The following SETD7 variants were observed in gnomAD, a reference collection of about 807,000 sequenced individuals.
The protein encoded by SETD7 is histone-lysine N-methyltransferase SETD7.
Under a neutral mutation model 41.8 loss-of-function variants are expected in SETD7, and 16 were observed. That is an observed-to-expected ratio of 0.38 (90% confidence interval 0.26 to 0.58). The LOEUF is 0.58. SETD7 is among the 20% of genes least tolerant of loss of function. The pLI, the probability that SETD7 is intolerant of heterozygous loss-of-function variation, is 0.64. For missense variants in SETD7, 346 were observed against 459.7 expected (o/e 0.75, Z 2.26); for synonymous variants, 163 against 169.7 (o/e 0.96, Z 0.31).
chr4:139,532,215 G>T (rs56183115), intron 3 of SETD7, among the ~76,000 whole-genome samples: 24,379 of 152,262 alleles, frequency 0.16, 2,096 homozygotes, highest in Middle Eastern at 0.22. Context: ...GCCAAGGCAG[G>T]TGGATTGCTT....
chr4:139,542,235 G>A (rs1343011301), intron 2 of SETD7, among the ~76,000 whole-genome samples: 1 of 152,162 alleles, frequency 6.6e-6, no homozygotes, highest in Non-Finnish European at 1.5e-5. Context: ...AACAGAGGCT[G>A]GGGAGTAGAA....
In SETD7 at chr4:139,556,184, G is replaced by T; in HGVS notation, c.-47C>A. 1.9e-6 allele frequency: 3 copies of T among 1,561,838 alleles called. No homozygotes were observed. The highest frequency in any genetic ancestry group is 2.6e-6 in the Non-Finnish European group (3 of 1,153,728). ...GCTCGGGGCTGCGCGGCTGCCTCCC[G>T]TCCCTCTGGGTGCTCCCGGCGGCTG... On this transcript the variant is annotated 5_prime_UTR_variant, in exon 1 of 8. Coordinates refer to ENST00000274031, the MANE Select transcript of SETD7 (RefSeq NM_030648.4).
At chr4:139,501,036 C>T (rs1329939965) in intron 7 of SETD7, among the ~76,000 whole-genome samples, 1 of 152,184 alleles carries the variant, frequency 6.6e-6, no homozygotes, top group South Asian at 2.1e-4. Flanking sequence ...TGAGGTCTTC[C>T]CTGACTTTCC....
At chr4:139,531,250 C>T (rs1037663228) in intron 3 of SETD7, among the ~76,000 whole-genome samples, 3 of 152,188 alleles carry the variant, frequency 2.0e-5, no homozygotes, top group Non-Finnish European at 2.9e-5. Flanking sequence ...CCATGTTGAG[C>T]GACGCCAATC....
chr4:139,547,673 T>C (rs1158783976), intron 1 of SETD7, among the ~76,000 whole-genome samples: 2 of 152,220 alleles, frequency 1.3e-5, no homozygotes, highest in Admixed American at 6.5e-5. Flanking sequence ...TTTATATAGC[T>C]CATTGTACAA....
In SETD7 at chr4:139,533,213, C is replaced by G. The variant is rs1727537018; in HGVS notation, c.324G>C (p.Gly108=). 4 of 1,614,180 alleles carry G rather than the reference C, an allele frequency of 2.5e-6. No individual in the cohort carries two copies. The East Asian group carries it at 8.9e-5, about 36-fold the overall frequency. Residue 108 remains glycine, a synonymous_variant, in exon 3 of 8, where the codon GGG becomes GGC. Transcript: ENST00000274031. ...CATGACGAATGTTATCTTTATACTGCCCCTTGAAGATCAGTCTCCCATCTG... is the reference window on the plus strand; with the variant it reads ...CATGACGAATGTTATCTTTATACTGGCCCTTGAAGATCAGTCTCCCATCTG... ...YDTDGRLIFK[G]QYKDNIRHGV...
intron 2 of SETD7, among the ~76,000 whole-genome samples, chr4:139,536,454 G>A (rs1225988938): frequency 6.6e-6 from 1 of 152,202 alleles, no homozygotes; most frequent in Non-Finnish European, 1.5e-5. Flanking sequence ...GCTCATGACT[G>A]TAATCCCAGC....
chr4:139,515,563 G>C (rs1044816943), intron 7 of SETD7, among the ~76,000 whole-genome samples: 1 of 152,212 alleles, frequency 6.6e-6, no homozygotes, highest in African/African-American at 2.4e-5. Context: ...TGTGCAGCTT[G>C]GAATGACACT....
intron 2 of SETD7, 184 bp downstream of exon 2, chr4:139,546,736 C>T (rs1042511820): frequency 7.5e-5 from 55 of 729,014 alleles, no homozygotes; most frequent in Middle Eastern, 5.8e-4. Context: ...AAGCCTTAGG[C>T]TGGCTGTCCC....
intron 1 of SETD7, 69 bp downstream of exon 1, chr4:139,556,029 A>T: frequency 1.4e-6 from 2 of 1,468,512 alleles, no homozygotes; most frequent in South Asian, 1.3e-5. Flanking sequence ...CGCTGTTCGC[A>T]GCCCGCCACT....
chr4:139,509,752 C>T lies in SETD7; in HGVS notation c.*1911G>A, dbSNP rs1726818327. 1.0e-6 allele frequency: 1 copy of T among 985,356 alleles called. No homozygotes were observed. Among genetic ancestry groups the T allele is most frequent in the Non-Finnish European group, 1.2e-6 (1 of 829,948 alleles). The allele number at this position is 985,356 out of a possible 1,614,324, so 61.0% of individuals were successfully genotyped here. On this transcript the variant is annotated 3_prime_UTR_variant, in exon 8 of 8. Transcript: ENST00000274031. ...TCCGTCACAGTGTATAGAACGGTCT[C>T]TTTCTACAGAGTAAGAGTGACCCTA...
chr4:139,545,767 C>T (rs568441047), intron 2 of SETD7, among the ~76,000 whole-genome samples: 25 of 152,264 alleles, frequency 1.6e-4, no homozygotes, highest in African/African-American at 5.5e-4. Flanking sequence ...CAGTTGTCAG[C>T]TTAGACATTT....
intron 4 of SETD7, among the ~76,000 whole-genome samples, chr4:139,527,950 C>T (rs1361079234): frequency 1.3e-5 from 2 of 152,170 alleles, no homozygotes; most frequent in Non-Finnish European, 2.9e-5. Context: ...GACAAGCTTC[C>T]TTTGGAGATT....
At position 139,529,036 on chromosome 4, in the gene SETD7, G is replaced by A; in HGVS notation, c.557C>T (p.Pro186Leu). The change falls in exon 4 of 8, where the codon CCT (proline) becomes CTT (leucine). Residue 186 changes from proline (P) to leucine (L), a missense_variant. Pro to Leu is a moderately conservative substitution (Grantham distance 98, BLOSUM62 -3). Transcript: ENST00000274031. Reference protein sequence around the residue: ...EEGRPHFELMPGNSVYHFDKS... With the variant: ...EEGRPHFELMLGNSVYHFDKS... ...CTGAAGCAGATTCAACTTACTTCCA[G>A]GCATCAGTTCAAAGTGAGGCCTCCC... 1 of 1,613,376 alleles carries A rather than the reference G, an allele frequency of 6.2e-7. No individual in the cohort carries two copies. The highest frequency in any genetic ancestry group is 8.5e-7 in the Non-Finnish European group (1 of 1,179,744).
intron 4 of SETD7, 89 bp from the exon 5 acceptor site, chr4:139,523,524 T>C: frequency 1.1e-6 from 1 of 871,676 alleles, no homozygotes; most frequent in Non-Finnish European, 1.8e-6. Context: ...CAACGAAGAG[T>C]TAAAAAACCA....
intron 2 of SETD7, chr4:139,546,607 A>T: frequency 2.7e-6 from 1 of 373,744 alleles, no homozygotes. Flanking sequence ...TACCGGAATG[A>T]TCAAGTGAAA....
chr4:139,496,560 A>G, intron 7 of SETD7: 1 of 698,280 alleles, frequency 1.4e-6, no homozygotes. Context: ...ACGTTTTCAG[A>G]GATTATTAAG....
intron 1 of SETD7, among the ~76,000 whole-genome samples, chr4:139,552,714 G>A (rs906583540): frequency 1.2e-4 from 19 of 152,024 alleles, no homozygotes; most frequent in African/African-American, 3.9e-4. Context: ...CCATGCCTCC[G>A]TGTCTTCACT....
intron 2 of SETD7, among the ~76,000 whole-genome samples, chr4:139,537,331 A>T (rs929215176): frequency 2.0e-5 from 3 of 152,144 alleles, no homozygotes; most frequent in Non-Finnish European, 4.4e-5. Context: ...TTAAAATGTT[A>T]ATATCGGGTC....
Sources: allele counts gnomAD v4.1 joint callset (sites outside exome capture counted in the v4.1 genomes callset), GRCh38; gene constraint gnomAD v4.1.1; transcripts MANE v1.5; gene names NCBI Gene and HGNC (gene_info 2026-07-23, HGNC 2026-07-21).